The following NMNAT1 variants were observed in gnomAD, a reference collection of about 807,000 sequenced individuals.
NMNAT1 encodes nicotinamide nucleotide adenylyltransferase 1, also known as nicotinamide/nicotinic acid mononucleotide adenylyltransferase 1.
A neutral mutation model predicts 16.7 loss-of-function variants in NMNAT1; 11 were observed. The observed-to-expected ratio is 0.66, with a 90% confidence interval of 0.41 to 1.09. The LOEUF (loss-of-function observed/expected upper bound fraction) is 1.09, where lower values mean the gene tolerates loss of function less well. Among genes scored for constraint, NMNAT1 ranks in the 50% least tolerant of loss-of-function variants. The probability of loss-of-function intolerance (pLI) is 0.00; values close to 1 mark genes in which losing one functional copy is unlikely to be tolerated. For missense variants in NMNAT1, 280 were observed against 332.3 expected (o/e 0.84, Z 1.22); for synonymous variants, 110 against 119.8 (o/e 0.92, Z 0.53).
rs979177975 is a variant in NMNAT1, at chr1:9,980,223, C to T, written c.300-808C>T. ...CTGGGATTACAGGTGTGAGCCACCA[C>T]GCCCAGTCGAGAAGATTTTTAATTT... is the stretch of plus-strand genomic sequence containing the variant. On this transcript the variant is annotated intron_variant, in intron 3 of 4. Coordinates refer to ENST00000377205, the MANE Select transcript of NMNAT1 (RefSeq NM_022787.4). Among the ~76,000 whole-genome samples the T allele has an allele frequency of 4.6e-5, 7 of 151,990 alleles. No individual in the cohort carries two copies. In the East Asian group the frequency reaches 5.9e-4, roughly 13 times the overall value.
Position 9,972,182 on chromosome 1 carries a change from G to A in NMNAT1, c.109G>A (p.Gly37Arg), listed in dbSNP as rs865992941. 6.3e-7 allele frequency: 1 copy of A among 1,582,084 alleles called. No individual in the cohort carries two copies. Among genetic ancestry groups the A allele is most frequent in the Non-Finnish European group, 8.7e-7 (1 of 1,151,118 alleles). The stretch of plus-strand genomic sequence containing the variant: ...TGAGCTGGCCAAGGACTACATGAAT[G>A]GAACAGGTAGGAGCAGTAACCAAAA... ...LFELAKDYMN[G>R]TGRYTVVKGI... The change falls in exon 2 of 5, where the codon GGA (glycine) becomes AGA (arginine). Residue 37 changes from glycine (G) to arginine (R), a missense_variant. Coordinates refer to ENST00000377205, the MANE Select transcript of NMNAT1 (RefSeq NM_022787.4).
chr1:9,975,575 C>A lies in NMNAT1; in HGVS notation c.116-17C>A. On this transcript the variant is annotated splice_polypyrimidine_tract_variant and intron_variant, in intron 2 of 4. Transcript: ENST00000377205. ...CTAATTTGTTATACCTAGTGTGAAACCTAACTTTTTATCTAGGAAGGTACA... is the reference window on the plus strand; with the variant it reads ...CTAATTTGTTATACCTAGTGTGAAAACTAACTTTTTATCTAGGAAGGTACA... The A allele has an allele frequency of 6.3e-7, 1 of 1,582,974 alleles. No individual in the cohort carries two copies. Among genetic ancestry groups the A allele is most frequent in the Non-Finnish European group, 8.6e-7 (1 of 1,164,334 alleles).
At chr1:9,975,912 G>A (rs934087609) in intron 3 of NMNAT1, 137 bp downstream of exon 3, 5 of 684,342 alleles carry the variant, frequency 7.3e-6, no homozygotes, top group African/African-American at 5.4e-5. Flanking sequence ...AGCCATTCCT[G>A]TGGAAGGTTA....
chr1:9,970,528 A>G (rs1288159752), intron 1 of NMNAT1, among the ~76,000 whole-genome samples: 2 of 152,058 alleles, frequency 1.3e-5, no homozygotes, highest in Non-Finnish European at 1.5e-5. Context: ...TCTCTACTAA[A>G]AATACAAAAA....
chr1:9,962,584 CTG>C lies in NMNAT1; in HGVS notation c.-56-9433_-56-9432del, dbSNP rs527743206. 1.2e-4 allele frequency among the ~76,000 whole-genome samples: 18 copies of C among 151,422 alleles called. No homozygotes were observed. The South Asian group carries it at 3.7e-3, about 32-fold the overall frequency. On this transcript the variant is annotated intron_variant, in intron 1 of 4. Transcript: ENST00000377205. ...TCCTCAGAATTAATCCTCAAAGTAA[CTG>C]AGATTGGCCTTCTCATTATCTCCAT...
chr1:9,968,294 G>A (rs1270750129), intron 1 of NMNAT1, among the ~76,000 whole-genome samples: 1 of 151,048 alleles, frequency 6.6e-6, no homozygotes, highest in Non-Finnish European at 1.5e-5. Flanking sequence ...GGGTGGTCTC[G>A]ATCTCCTGAC....
At position 9,968,080 on chromosome 1, in the gene NMNAT1, G is replaced by GTTTTTTTTTTTTTTTTTTTTTTT. The variant is rs6143117; in HGVS notation, c.-56-3929_-56-3928insTTTTTTTTTTTTTTTTTTTTTTT. Among the ~76,000 whole-genome samples, 190 of 117,774 alleles carry GTTTTTTTTTTTTTTTTTTTTTTT rather than the reference G, an allele frequency of 1.6e-3. 1 individual carries two copies. Among genetic ancestry groups the GTTTTTTTTTTTTTTTTTTTTTTT allele is most frequent in the Non-Finnish European group, 2.6e-3 (154 of 58,748 alleles). The allele number at this position is 117,774 out of a possible 152,430, so 77.3% of individuals were successfully genotyped here. On this transcript the variant is annotated intron_variant, in intron 1 of 4. Coordinates refer to ENST00000377205, the MANE Select transcript of NMNAT1 (RefSeq NM_022787.4). The stretch of plus-strand genomic sequence containing the variant: ...TTTGCCAAATGTAGTTTTTTTTTTT[G>GTTTTTTTTTTTTTTTTTTTTTTT]TTTTTTTTTGAGATGGAGTCTCGCT...
At chr1:9,964,400 G>A (rs1194550503) in intron 1 of NMNAT1, among the ~76,000 whole-genome samples, 1 of 151,694 alleles carries the variant, frequency 6.6e-6, no homozygotes, top group Non-Finnish European at 1.5e-5. Context: ...TAAGCTGGGT[G>A]TGGTGATGTG....
At chr1:9,965,246 G>A (rs1416308732) in intron 1 of NMNAT1, among the ~76,000 whole-genome samples, 1 of 148,640 alleles carries the variant, frequency 6.7e-6, no homozygotes, top group Non-Finnish European at 1.5e-5. Context: ...GAACCCAGGA[G>A]GCGGAGGTTG....
At chr1:9,973,730 AAATG>A (rs1469403876) in intron 2 of NMNAT1, among the ~76,000 whole-genome samples, 1 of 148,816 alleles carries the variant, frequency 6.7e-6, no homozygotes, top group African/African-American at 2.5e-5. Flanking sequence ...AAAAAAAAAA[AAATG>A]CATGAATAGG....
chr1:9,954,095 C>A (rs1441643839), intron 1 of NMNAT1, among the ~76,000 whole-genome samples: 1 of 151,806 alleles, frequency 6.6e-6, no homozygotes, highest in Non-Finnish European at 1.5e-5. Flanking sequence ...CATGAGCCAC[C>A]GCACCCGGCC....
intron 1 of NMNAT1, among the ~76,000 whole-genome samples, chr1:9,945,269 A>C (rs2101629921): frequency 6.6e-6 from 1 of 152,178 alleles, no homozygotes; most frequent in South Asian, 2.1e-4. Flanking sequence ...GAAGAAAAAA[A>C]TAAAAGTACC....
chr1:9,995,749 G>A, the NMNAT1 span, among the ~76,000 whole-genome samples: 63 of 151,728 alleles, frequency 4.2e-4, no homozygotes, highest in African/African-American at 1.4e-3. Flanking sequence ...AATAAATACC[G>A]CGGGTGCGGT....
chr1:9,967,327 C>G (rs1044791483), intron 1 of NMNAT1: 5 of 154,060 alleles, frequency 3.2e-5, no homozygotes, highest in African/African-American at 1.2e-4. Flanking sequence ...GTCGAACTTA[C>G]TTGATCTCCC....
At chr1:9,950,922 C>G (rs879282808) in intron 1 of NMNAT1, among the ~76,000 whole-genome samples, 1 of 152,054 alleles carries the variant, frequency 6.6e-6, no homozygotes, top group Non-Finnish European at 1.5e-5. Flanking sequence ...AACCCCATCT[C>G]TACTAAAAAT....
chr1:9,954,812 T>C (rs1165835353), intron 1 of NMNAT1, among the ~76,000 whole-genome samples: 2 of 150,598 alleles, frequency 1.3e-5, no homozygotes, highest in African/African-American at 4.9e-5. Flanking sequence ...GTGCCTGTAA[T>C]CCCAGCTACT....
chr1:9,976,890 A>C (rs1048090899), intron 3 of NMNAT1, among the ~76,000 whole-genome samples: 1 of 147,748 alleles, frequency 6.8e-6, no homozygotes, highest in Non-Finnish European at 1.5e-5. Context: ...GCCTCCCAAC[A>C]CCTAATTATT....
At chr1:9,971,354 G>T (rs138278040) in intron 1 of NMNAT1, among the ~76,000 whole-genome samples, 1 of 151,646 alleles carries the variant, frequency 6.6e-6, no homozygotes, top group African/African-American at 2.4e-5. Context: ...TCTCTCTGTC[G>T]CCAGGCTGGA....
At chr1:9,981,417 AG>A (rs1334058351) in intron 4 of NMNAT1, 2 of 399,502 alleles carry the variant, frequency 5.0e-6, no homozygotes, top group Non-Finnish European at 8.9e-6. Flanking sequence ...TTGTATTTTT[AG>A]TAGAGACGGG....
Sources: allele counts gnomAD v4.1 joint callset (sites outside exome capture counted in the v4.1 genomes callset), GRCh38; gene constraint gnomAD v4.1.1; transcripts MANE v1.5; gene names NCBI Gene and HGNC (gene_info 2026-07-23, HGNC 2026-07-21).